Variants in FRMPD4 observed in about 807,000 individuals in gnomAD.
FRMPD4 encodes FERM and PDZ domain containing 4.
In FRMPD4, 22 loss-of-function variants were observed where a neutral mutation model predicts 94.1. The ratio of observed to expected loss-of-function variants is 0.23; its 90% CI spans 0.17 to 0.33. The LOEUF is 0.33. Among genes scored for constraint, FRMPD4 ranks in the 10% least tolerant of loss-of-function variants. FRMPD4 has a pLI of 1.00. For synonymous variants in FRMPD4, 631 were observed against 548.6 expected (o/e 1.15, Z -2.10); for missense variants, 1,111 against 1,339.9 (o/e 0.83, Z 2.67).
chrX:12,184,864 C>T (rs187872270), intron 1 of FRMPD4, among the ~76,000 whole-genome samples: 122 of 110,188 alleles, frequency 1.1e-3, no homozygotes, highest in African/African-American at 3.8e-3. Flanking sequence ...GATGTAGGGG[C>T]GACGTAGGGA....
intron 3 of FRMPD4, among the ~76,000 whole-genome samples, chrX:11,953,704 G>A (rs1409963297): frequency 1.8e-5 from 2 of 111,421 alleles, no homozygotes; most frequent in African/African-American, 3.3e-5. Context: ...TGGGGAGAGC[G>A]ATGAGCAGGA....
intron 4 of FRMPD4, among the ~76,000 whole-genome samples, chrX:12,641,651 G>A (rs764368365): frequency 2.6e-4 from 29 of 112,312 alleles, no homozygotes; most frequent in Non-Finnish European, 4.9e-4. Flanking sequence ...CCACCTATAC[G>A]TAAGTCCAGT....
At chrX:12,120,054 A>T (rs1200147370) in intron 3 of FRMPD4, among the ~76,000 whole-genome samples, 1 of 112,615 alleles carries the variant, frequency 8.9e-6, no homozygotes, top group Non-Finnish European at 1.9e-5. Flanking sequence ...TAGTCAAAGA[A>T]GCAGCAGTAG....
intron 1 of FRMPD4, among the ~76,000 whole-genome samples, chrX:12,476,563 C>T (rs1248629891): frequency 9.0e-6 from 1 of 111,253 alleles, no homozygotes; most frequent in Non-Finnish European, 1.9e-5. Context: ...GCAATCTACT[C>T]ATCTGACAAA....
chrX:12,072,110 C>A (rs1458593998), intron 3 of FRMPD4, among the ~76,000 whole-genome samples: 3 of 111,463 alleles, frequency 2.7e-5, no homozygotes, highest in Non-Finnish European at 3.8e-5. Flanking sequence ...CTCATCTCAG[C>A]CCCCTCAGTA....
chrX:12,514,005 T>C (rs771610616), intron 2 of FRMPD4, among the ~76,000 whole-genome samples: 1 of 111,525 alleles, frequency 9.0e-6, no homozygotes, highest in African/African-American at 3.3e-5. Flanking sequence ...CATTCATGGT[T>C]TGGCTCTCTG....
At chrX:12,654,527 C>CTGA (rs1569390538) in intron 4 of FRMPD4, among the ~76,000 whole-genome samples, 1 of 111,837 alleles carries the variant, frequency 8.9e-6, no homozygotes, top group East Asian at 2.8e-4. Flanking sequence ...TATAAATGTA[C>CTGA]TGATATATGT....
chrX:12,111,771 T>C (rs151164052), intron 3 of FRMPD4, among the ~76,000 whole-genome samples: 11 of 110,234 alleles, frequency 1.0e-4, no homozygotes, highest in East Asian at 2.9e-4. Flanking sequence ...TGAACAGACA[T>C]TTCTCAAAAG....
chrX:12,088,646 C>T (rs2055130262), intron 3 of FRMPD4, among the ~76,000 whole-genome samples: 1 of 111,806 alleles, frequency 8.9e-6, no homozygotes, highest in South Asian at 3.7e-4. Flanking sequence ...TCGTGACAGT[C>T]TGAGTAGAAC....
intron 3 of FRMPD4, among the ~76,000 whole-genome samples, chrX:11,999,567 C>T (rs1254849940): frequency 4.5e-5 from 5 of 112,062 alleles, no homozygotes; most frequent in Non-Finnish European, 3.8e-5. Flanking sequence ...CTCAATTTGA[C>T]GTTAAAGCAT....
At chrX:12,135,282 T>C (rs933094433), upstream of FRMPD4, among the ~76,000 whole-genome samples, 14 of 110,308 alleles carry the variant, frequency 1.3e-4, no homozygotes, top group Admixed American at 2.9e-4. Context: ...ATCTAGTTCA[T>C]GCTAGACAAA....
chrX:12,248,277 T>C (rs2053982854), intron 1 of FRMPD4, among the ~76,000 whole-genome samples: 1 of 112,373 alleles, frequency 8.9e-6, no homozygotes, highest in Non-Finnish European at 1.9e-5. Flanking sequence ...ATACTCGACT[T>C]ATAGGAGATG....
At chrX:12,132,366 A>C (rs762411398) in intron 3 of FRMPD4, among the ~76,000 whole-genome samples, 15 of 111,829 alleles carry the variant, frequency 1.3e-4, no homozygotes, top group African/African-American at 4.9e-4. Flanking sequence ...GTTTTAGGCT[A>C]TGTTAACTTC....
At chrX:12,348,585 C>A (rs2055751095) in intron 1 of FRMPD4, among the ~76,000 whole-genome samples, 1 of 90,287 alleles carries the variant, frequency 1.1e-5, no homozygotes, top group Admixed American at 1.2e-4. Flanking sequence ...GGAAATGCTT[C>A]CAGGAAAAAA....
At chrX:12,600,562 C>T (rs1301284174) in intron 2 of FRMPD4, among the ~76,000 whole-genome samples, 1 of 112,535 alleles carries the variant, frequency 8.9e-6, no homozygotes, top group Non-Finnish European at 1.9e-5. Context: ...GTTGCTTTCT[C>T]ACTCTTTGCT....
At chrX:12,369,969 GC>G (rs1413139935) in intron 1 of FRMPD4, among the ~76,000 whole-genome samples, 1 of 111,685 alleles carries the variant, frequency 9.0e-6, no homozygotes, top group Non-Finnish European at 1.9e-5. Context: ...TATGCTTTTT[GC>G]CTCCTCTCCA....
intron 2 of FRMPD4, among the ~76,000 whole-genome samples, chrX:12,524,761 A>G (rs1479823440): frequency 9.0e-6 from 1 of 111,257 alleles, no homozygotes; most frequent in Middle Eastern, 4.2e-3. Flanking sequence ...TTCCTACAGC[A>G]TCATCTCCTT....
In FRMPD4 at chrX:12,401,170, T is replaced by A. The variant is rs180933495; in HGVS notation, c.42-97510T>A. Among the ~76,000 whole-genome samples the A allele has an allele frequency of 3.6e-4, 40 of 111,730 alleles. No homozygotes were observed. In the East Asian group the frequency reaches 9.6e-3, roughly 27 times the overall value. On this transcript the variant is annotated intron_variant, in intron 1 of 16. Coordinates refer to ENST00000675598, the MANE Select transcript of FRMPD4 (RefSeq NM_001368397.1). The stretch of plus-strand genomic sequence containing the variant: ...GGGACAGAAGCTCAAAGACCCTGAA[T>A]TATTCCTACCTCAGGGTGAATAATT...
chrX:12,127,536 G>A (rs954101314), intron 3 of FRMPD4, among the ~76,000 whole-genome samples: 2 of 111,715 alleles, frequency 1.8e-5, no homozygotes, highest in African/African-American at 6.5e-5. Flanking sequence ...TGGGGATTAT[G>A]AGAATTATAA....
Sources: allele counts gnomAD v4.1 joint callset (sites outside exome capture counted in the v4.1 genomes callset), GRCh38; gene constraint gnomAD v4.1.1; transcripts MANE v1.5; gene names NCBI Gene and HGNC (gene_info 2026-07-23, HGNC 2026-07-21).